Variants in CHDH observed in about 807,000 individuals in gnomAD.
CHDH encodes choline dehydrogenase.
A neutral mutation model predicts 56.9 loss-of-function variants in CHDH; 43 were observed. The observed-to-expected ratio is 0.76, with a 90% CI of 0.59 to 0.97. The LOEUF (loss-of-function observed/expected upper bound fraction) is 0.97. CHDH is among the 50% of genes least tolerant of loss of function. The probability of loss-of-function intolerance (pLI) is 0.00; values close to 1 mark genes in which losing one functional copy is unlikely to be tolerated. For synonymous variants in CHDH, 364 were observed against 348.5 expected (o/e 1.04, Z -0.50); for missense variants, 816 against 821.1 (o/e 0.99, Z 0.08).
chr3:53,835,217 C>G (rs1181285207), intron 2 of CHDH, among the ~76,000 whole-genome samples: 1 of 152,222 alleles, frequency 6.6e-6, no homozygotes, highest in East Asian at 1.9e-4. Context: ...TAATAGGGTA[C>G]TGCCCATTAA....
At chr3:53,838,277 C>T (rs1043456471) in intron 2 of CHDH, among the ~76,000 whole-genome samples, 4 of 152,088 alleles carry the variant, frequency 2.6e-5, no homozygotes, top group Admixed American at 6.5e-5. Context: ...CAACAGAGGT[C>T]GCTGCTGGGG....
At chr3:53,818,532 G>GCA (rs2095619998) in intron 8 of CHDH, among the ~76,000 whole-genome samples, 1 of 152,206 alleles carries the variant, frequency 6.6e-6, no homozygotes, top group South Asian at 2.1e-4. Flanking sequence ...CCACTGCTGG[G>GCA]CAAAACCTGC....
chr3:53,822,514 C>G lies in CHDH; in HGVS notation c.832G>C (p.Val278Leu). The stretch of plus-strand genomic sequence containing the variant: ...ACCCTGTGGCTCTGGCCATTCTTGA[C>G]ATACTCCACGCCCACTGCACGGGTG... ...EGTRAVGVEYVKNGQSHRAYA... is the reference protein window; with the variant it reads ...EGTRAVGVEYLKNGQSHRAYA... The change falls in exon 4 of 9, where the codon GTC (valine) becomes CTC (leucine). Residue 278 changes from valine to leucine, a missense_variant. Val to Leu is a conservative substitution (Grantham distance 32, BLOSUM62 1). Coordinates refer to ENST00000315251, the MANE Select transcript of CHDH (RefSeq NM_018397.5). 6.2e-7 allele frequency: 1 copy of G among 1,612,996 alleles called. No homozygotes were observed. The highest frequency in any genetic ancestry group is 8.5e-7 in the Non-Finnish European group (1 of 1,179,368).
chr3:53,833,531 G>A (rs1698404784), intron 2 of CHDH, among the ~76,000 whole-genome samples: 1 of 152,246 alleles, frequency 6.6e-6, no homozygotes, highest in Admixed American at 6.5e-5. Context: ...CAGGGAAGGA[G>A]CTGCCTGGCA....
Position 53,814,924 on chromosome 3 carries a change from T to C in CHDH, c.*2853A>G, listed in dbSNP as rs1316404930. 1.3e-5 allele frequency: 2 copies of C among 152,190 alleles called. No individual in the cohort carries two copies. The highest frequency in any genetic ancestry group is 2.4e-5 in the African/African-American group (1 of 41,424). 9.4% of individuals were successfully genotyped at this position (152,190 alleles called of 1,614,324 possible). On this transcript the variant is annotated 3_prime_UTR_variant, in exon 9 of 9. Coordinates refer to ENST00000315251, the MANE Select transcript of CHDH (RefSeq NM_018397.5). The stretch of plus-strand genomic sequence containing the variant: ...ATCCACCCACCTCAGCCTTGCAAAG[T>C]GCTGGGATTACAGGCGTGAGCCACC...
At position 53,833,230 on chromosome 3, in the gene CHDH, C is replaced by T. The variant is rs566323205; in HGVS notation, c.-60+7699G>A. 1.7e-4 allele frequency among the ~76,000 whole-genome samples: 26 copies of T among 152,356 alleles called. No individual in the cohort carries two copies. The South Asian group carries it at 5.4e-3, about 32-fold the overall frequency. Reference sequence around the variant, plus strand: ...CAAGCCTACCCTGCAGGAGTGAAGACAGACGCCTTCTTCCTGAGGTGGCGG... The same window carrying T: ...CAAGCCTACCCTGCAGGAGTGAAGATAGACGCCTTCTTCCTGAGGTGGCGG... On this transcript the variant is annotated intron_variant, in intron 2 of 8. Transcript: ENST00000315251.
intron 1 of CHDH, among the ~76,000 whole-genome samples, 180 bp downstream of exon 1, chr3:53,845,903 C>T (rs1698861404): frequency 6.6e-6 from 1 of 152,256 alleles, no homozygotes; most frequent in African/African-American, 2.4e-5. Context: ...TCAAAGGAGT[C>T]AGTGAGCTTC....
intron 2 of CHDH, among the ~76,000 whole-genome samples, chr3:53,833,386 CCTT>C (rs1200844359): frequency 1.3e-5 from 2 of 152,210 alleles, no homozygotes; most frequent in African/African-American, 4.8e-5. Context: ...AAAGGGAACT[CCTT>C]GAGGACAGGG....
chr3:53,825,821 A>G (rs376618738), intron 2 of CHDH, among the ~76,000 whole-genome samples: 1 of 152,306 alleles, frequency 6.6e-6, no homozygotes, highest in East Asian at 1.9e-4. Flanking sequence ...AGAGAAAATC[A>G]TCACTGTAGC....
intron 2 of CHDH, among the ~76,000 whole-genome samples, chr3:53,838,641 G>A (rs1486877733): frequency 2.0e-5 from 3 of 152,302 alleles, no homozygotes; most frequent in Non-Finnish European, 2.9e-5. Flanking sequence ...AGGCTTCAGA[G>A]GCCAGGAGTT....
intron 1 of CHDH, among the ~76,000 whole-genome samples, chr3:53,843,886 A>C (rs921224245): frequency 1.3e-5 from 2 of 152,230 alleles, no homozygotes; most frequent in African/African-American, 2.4e-5. Context: ...CAGAGCCTCC[A>C]GTTCAAAAAG....
chr3:53,822,735 C>A, intron 3 of CHDH, 93 bp from the exon 4 acceptor site: 1 of 1,447,268 alleles, frequency 6.9e-7, no homozygotes, highest in Non-Finnish European at 9.3e-7. Context: ...AGTGGATATG[C>A]CCAGCTCTGA....
chr3:53,835,447 G>C (rs13069101), intron 2 of CHDH, among the ~76,000 whole-genome samples: 1 of 152,198 alleles, frequency 6.6e-6, no homozygotes, highest in Non-Finnish European at 1.5e-5. Flanking sequence ...GTGCCCACAG[G>C]CCAGGCTGAT....
At chr3:53,824,675 T>C (rs2095635776) in intron 2 of CHDH, among the ~76,000 whole-genome samples, 1 of 152,164 alleles carries the variant, frequency 6.6e-6, no homozygotes, top group Admixed American at 6.5e-5. Context: ...AGAGCTACAC[T>C]CTTCAAAGAT....
At chr3:53,821,955 G>T (rs1470274755) in intron 4 of CHDH, among the ~76,000 whole-genome samples, 179 bp from the exon 5 acceptor site, 2 of 152,186 alleles carry the variant, frequency 1.3e-5, no homozygotes. Context: ...CTACTTGAAA[G>T]CAACCAGCAG....
At chr3:53,824,716 A>C (rs991304829) in intron 2 of CHDH, among the ~76,000 whole-genome samples, 4 of 152,238 alleles carry the variant, frequency 2.6e-5, no homozygotes, top group African/African-American at 9.6e-5. Flanking sequence ...TTTTAACAGA[A>C]AAATGGCAAT....
Position 53,819,789 on chromosome 3 carries a change from A to G in CHDH, c.1121-115T>C. ...GCTCCTCTTCCTTTTCCCGGACTCC[A>G]CTCTAGTGCCTGGACCCAAGTCCTG... On this transcript the variant is annotated intron_variant, in intron 6 of 8. Coordinates refer to ENST00000315251, the MANE Select transcript of CHDH (RefSeq NM_018397.5). The surrounding 1 kb of genome is among the most constrained non-coding windows in gnomAD (Gnocchi z 5.4). 7.8e-7 allele frequency: 1 copy of G among 1,287,492 alleles called. No individual in the cohort carries two copies. Among genetic ancestry groups the G allele is most frequent in the African/African-American group, 1.5e-5 (1 of 66,116 alleles). The allele number at this position is 1,287,492 out of a possible 1,614,324, so 79.8% of individuals were successfully genotyped here.
At chr3:53,835,891 T>C (rs987804189) in intron 2 of CHDH, among the ~76,000 whole-genome samples, 14 of 152,094 alleles carry the variant, frequency 9.2e-5, no homozygotes, top group Admixed American at 5.9e-4. Context: ...GTCGAGCCCC[T>C]GCCCCATGTC....
chr3:53,823,733 C>T lies in CHDH; in HGVS notation c.276G>A (p.Ala92=), dbSNP rs769022736. 4.5e-6 allele frequency: 7 copies of T among 1,553,376 alleles called. No individual in the cohort carries two copies. Among genetic ancestry groups the T allele is most frequent in the South Asian group, 3.6e-5 (3 of 84,444 alleles). Reference sequence around the variant, plus strand: ...CGTCGCACAGGTTGGCCACCAGGGCCGCGGGCATGTGGATCTTCCACGAGA... The same window carrying T: ...CGTCGCACAGGTTGGCCACCAGGGCTGCGGGCATGTGGATCTTCCACGAGA... ...KRLSWKIHMP[A]ALVANLCDDR... Residue 92 remains alanine, a synonymous_variant, in exon 3 of 9, where the codon GCG becomes GCA. Coordinates refer to ENST00000315251, the MANE Select transcript of CHDH (RefSeq NM_018397.5).
Sources: allele counts gnomAD v4.1 joint callset (sites outside exome capture counted in the v4.1 genomes callset), GRCh38; gene constraint gnomAD v4.1.1; non-coding constraint Gnocchi (gnomAD v3.1); transcripts MANE v1.5; gene names NCBI Gene and HGNC (gene_info 2026-07-23, HGNC 2026-07-21).